The following BPTF variants were observed in gnomAD, a reference collection of about 807,000 sequenced individuals.
BPTF encodes the protein bromodomain PHD finger transcription factor.
A neutral mutation model predicts 292.5 loss-of-function variants in BPTF; 18 were observed. That is an observed-to-expected ratio of 0.06 (90% CI 0.04 to 0.09). BPTF has a LOEUF of 0.09. BPTF is among the 10% of genes least tolerant of loss of function. BPTF has a pLI of 1.00. For synonymous variants in BPTF, 1,225 were observed against 1,251.9 expected (o/e 0.98, Z 0.45); for missense variants, 2,726 against 3,498.7 (o/e 0.78, Z 5.57).
intron 7 of BPTF, among the ~76,000 whole-genome samples, chr17:67,897,897 T>G (rs2061556344): frequency 6.6e-6 from 1 of 152,128 alleles, no homozygotes; most frequent in African/African-American, 2.4e-5. Context: ...CCCTGTCTTC[T>G]TTATTAATAT....
chr17:67,837,070 A>G (rs2144159656), intron 1 of BPTF, among the ~76,000 whole-genome samples: 1 of 152,264 alleles, frequency 6.6e-6, no homozygotes, highest in Non-Finnish European at 1.5e-5. Context: ...TGTTTATGGC[A>G]AGGGTCACAA....
chr17:67,908,739 CCT>C (rs1598581168), intron 9 of BPTF, among the ~76,000 whole-genome samples: 2 of 151,830 alleles, frequency 1.3e-5, no homozygotes, highest in African/African-American at 2.4e-5. Flanking sequence ...GATCCGCCCA[CCT>C]TGGCATCCCA....
At chr17:67,953,961 C>CTTTTTTTTTTTTTTTT (rs869063412) in intron 23 of BPTF, among the ~76,000 whole-genome samples, 6 of 65,638 alleles carry the variant, frequency 9.1e-5, no homozygotes, top group African/African-American at 3.6e-4. Flanking sequence ...CTTTTCTTTT[C>CTTTTTTTTTTTTTTTT]TTTTTTTTTT....
chr17:67,976,550 G>A (rs1473486237), intron 27 of BPTF, among the ~76,000 whole-genome samples: 2 of 151,902 alleles, frequency 1.3e-5, no homozygotes, highest in African/African-American at 4.8e-5. Context: ...ACCAGGCATA[G>A]TGGCATGCAC....
rs2067268451 is a variant in BPTF at position 67,959,532 on chromosome 17, T to G, written c.7927-9T>G. 6.6e-7 allele frequency: 1 copy of G among 1,511,014 alleles called. No individual in the cohort carries two copies. The highest frequency in any genetic ancestry group is 1.4e-5 in the South Asian group (1 of 72,388). The allele number at this position is 1,511,014 out of a possible 1,614,324, so 93.6% of individuals were successfully genotyped here. ...ATGATAGTCTTGTATTGTCTTTAAT[T>G]GATAACAGGAAGAGCTGAAGAGAGA... On this transcript the variant is annotated splice_polypyrimidine_tract_variant and intron_variant, in intron 23 of 27. Coordinates refer to ENST00000306378, the MANE Select transcript of BPTF (RefSeq NM_182641.4).
chr17:67,885,750 C>G (rs2060709390), intron 4 of BPTF, among the ~76,000 whole-genome samples: 1 of 152,176 alleles, frequency 6.6e-6, no homozygotes, highest in Non-Finnish European at 1.5e-5. Flanking sequence ...ATTTTGAATA[C>G]TATCTCAGCA....
At chr17:67,870,313 G>A (rs903041669) in intron 3 of BPTF, among the ~76,000 whole-genome samples, 1 of 151,056 alleles carries the variant, frequency 6.6e-6, no homozygotes, top group African/African-American at 2.4e-5. Context: ...ACTGTAGGAG[G>A]AGGGATTCAC....
intron 21 of BPTF, among the ~76,000 whole-genome samples, chr17:67,947,182 G>A (rs1026470473): frequency 1.5e-4 from 23 of 152,136 alleles, no homozygotes; most frequent in Admixed American, 6.6e-5. Context: ...TTATTTTAAA[G>A]ATGTAGTATT....
At chr17:67,839,140 G>GAAAAAAAAAAAAA (rs903832593) in intron 1 of BPTF, among the ~76,000 whole-genome samples, 1 of 149,882 alleles carries the variant, frequency 6.7e-6, no homozygotes, top group African/African-American at 2.5e-5. Context: ...AAAAAAAAAA[G>GAAAAAAAAAAAAA]AAAAAAAAGA....
chr17:67,859,159 A>G (rs1438653823), intron 2 of BPTF, among the ~76,000 whole-genome samples: 2 of 152,032 alleles, frequency 1.3e-5, no homozygotes, highest in Non-Finnish European at 2.9e-5. Flanking sequence ...TTAATTAATT[A>G]CTTTTGGAGA....
chr17:67,827,647 G>A (rs1410841852), intron 1 of BPTF, among the ~76,000 whole-genome samples: 1 of 152,140 alleles, frequency 6.6e-6, no homozygotes, highest in African/African-American at 2.4e-5. Flanking sequence ...CTTTCTCAGA[G>A]AGACTAGGGT....
intron 1 of BPTF, among the ~76,000 whole-genome samples, chr17:67,843,137 T>C (rs2057697845): frequency 6.6e-6 from 1 of 150,546 alleles, no homozygotes; most frequent in African/African-American, 2.4e-5. Context: ...TACCTATATC[T>C]ACATACATAT....
At chr17:67,928,173 C>T (rs1366644178) in intron 15 of BPTF, among the ~76,000 whole-genome samples, 182 bp from the exon 16 acceptor site, 4 of 152,020 alleles carry the variant, frequency 2.6e-5, no homozygotes, top group South Asian at 2.1e-4. Context: ...TGTGAGCCAC[C>T]GCAGCCAGCC....
chr17:67,931,612 G>C (rs1371140643), intron 17 of BPTF, among the ~76,000 whole-genome samples: 2 of 152,204 alleles, frequency 1.3e-5, no homozygotes, highest in African/African-American at 4.8e-5. Flanking sequence ...ATTTTCCTGT[G>C]AGCACTAGTT....
intron 1 of BPTF, among the ~76,000 whole-genome samples, chr17:67,831,059 C>G (rs1255355632): frequency 6.6e-6 from 1 of 152,120 alleles, no homozygotes; most frequent in Non-Finnish European, 1.5e-5. Context: ...TTGGGATGAT[C>G]GGAAGATCTT....
At chr17:67,858,545 A>ATT (rs2058859311) in intron 2 of BPTF, among the ~76,000 whole-genome samples, 1 of 131,964 alleles carries the variant, frequency 7.6e-6, no homozygotes, top group African/African-American at 3.3e-5. Context: ...ATGGAGTGAG[A>ATT]CTCTGTCTCC....
At chr17:67,861,320 C>T (rs2145276319) in intron 2 of BPTF, among the ~76,000 whole-genome samples, 1 of 151,486 alleles carries the variant, frequency 6.6e-6, no homozygotes, top group Middle Eastern at 3.4e-3. Flanking sequence ...ACCCCCTACC[C>T]CAACCTTCCA....
intron 9 of BPTF, among the ~76,000 whole-genome samples, chr17:67,905,688 G>C (rs750131418): frequency 1.3e-5 from 2 of 152,036 alleles, no homozygotes; most frequent in Non-Finnish European, 2.9e-5. Flanking sequence ...GAGCCTGGAT[G>C]ACAGAACCAG....
intron 25 of BPTF, chr17:67,965,105 GC>G (rs1202590913): frequency 1.3e-5 from 2 of 151,922 alleles, no homozygotes; most frequent in African/African-American, 4.8e-5. Context: ...ACTTGGGGAG[GC>G]TGAGGCGGGT....
Sources: gnomAD v4.1 joint callset for allele counts (sites outside exome capture counted in the v4.1 genomes callset) on GRCh38, gnomAD v4.1.1 for gene constraint, MANE v1.5 for transcripts, NCBI Gene and HGNC (gene_info 2026-07-23, HGNC 2026-07-21) for gene names.